The following IL1RAP variants were observed in gnomAD, a reference collection of about 807,000 sequenced individuals.
The protein encoded by IL1RAP is interleukin 1 receptor accessory protein.
IL1RAP carries 35 observed loss-of-function variants against 60.7 expected under a neutral mutation model. That is an observed-to-expected ratio of 0.58 (90% CI 0.44 to 0.76). The LOEUF (loss-of-function observed/expected upper bound fraction) is 0.76. IL1RAP is among the 30% of genes least tolerant of loss of function. The pLI is 0.00. For synonymous variants in IL1RAP, 268 were observed against 250.9 expected (o/e 1.07, Z -0.64); for missense variants, 572 against 693.9 (o/e 0.82, Z 1.97).
At chr3:190,549,983 C>T (rs1724721460) in intron 1 of IL1RAP, among the ~76,000 whole-genome samples, 2 of 152,130 alleles carry the variant, frequency 1.3e-5, no homozygotes, top group South Asian at 4.1e-4. Flanking sequence ...CTAGCAAATA[C>T]CTGGGGTGCG....
intron 1 of IL1RAP, among the ~76,000 whole-genome samples, chr3:190,545,451 A>G (rs1329482324): frequency 6.6e-6 from 1 of 152,222 alleles, no homozygotes; most frequent in African/African-American, 2.4e-5. Flanking sequence ...CCAGGGCCAC[A>G]GCAGGCATTC....
At chr3:190,538,312 C>T (rs1444766124) in intron 1 of IL1RAP, among the ~76,000 whole-genome samples, 1 of 152,146 alleles carries the variant, frequency 6.6e-6, no homozygotes, top group Non-Finnish European at 1.5e-5. Flanking sequence ...TGTGAATCTC[C>T]ATTTTACCCA....
downstream of IL1RAP, chr3:190,651,665 T>C (rs1734405220): frequency 6.5e-6 from 1 of 152,798 alleles, no homozygotes; most frequent in African/African-American, 2.4e-5. Context: ...CTGAGTAAAA[T>C]GGGAACTTCT....
At chr3:190,619,817 C>A (rs1162858263) in intron 5 of IL1RAP, among the ~76,000 whole-genome samples, 1 of 151,914 alleles carries the variant, frequency 6.6e-6, no homozygotes, top group Non-Finnish European at 1.5e-5. Flanking sequence ...AAATGCCAAT[C>A]AGACATCTAA....
intron 6 of IL1RAP, among the ~76,000 whole-genome samples, chr3:190,620,841 A>G (rs1283667239): frequency 6.6e-6 from 1 of 152,228 alleles, no homozygotes; most frequent in Non-Finnish European, 1.5e-5. Flanking sequence ...CAGGCAAGCA[A>G]TAGAGACTCA....
chr3:190,554,443 C>G (rs149640696), intron 1 of IL1RAP, among the ~76,000 whole-genome samples: 1 of 152,058 alleles, frequency 6.6e-6, no homozygotes, highest in Non-Finnish European at 1.5e-5. Context: ...GCAGACCAGC[C>G]GGAGGTTCTC....
At chr3:190,632,811 C>T (rs1732900601) in intron 9 of IL1RAP, among the ~76,000 whole-genome samples, 1 of 152,110 alleles carries the variant, frequency 6.6e-6, no homozygotes, top group Non-Finnish European at 1.5e-5. Context: ...TGTTTTTCCA[C>T]ATAGATAACC....
intron 1 of IL1RAP, among the ~76,000 whole-genome samples, chr3:190,529,234 C>A (rs1270723789): frequency 6.6e-6 from 1 of 152,106 alleles, no homozygotes. Context: ...GAAGATCTGG[C>A]AGGAATTGAA....
At chr3:190,599,307 A>G (rs1246568700) in intron 3 of IL1RAP, among the ~76,000 whole-genome samples, 1 of 152,120 alleles carries the variant, frequency 6.6e-6, no homozygotes, top group Non-Finnish European at 1.5e-5. Context: ...GGACATGGTA[A>G]ATAAATTGTG....
chr3:190,627,311 T>A lies in IL1RAP; in HGVS notation c.776-12T>A, dbSNP rs543942419. The A allele has an allele frequency of 3.1e-4, 432 of 1,406,012 alleles. 3 individuals are homozygous for A. In the East Asian group the frequency reaches 0.01, roughly 33 times the overall value. 87.1% of individuals were successfully genotyped at this position (1,406,012 alleles called of 1,614,324 possible). On this transcript the variant is annotated splice_polypyrimidine_tract_variant and intron_variant, in intron 7 of 11. Transcript: ENST00000447382. Reference sequence around the variant, plus strand: ...TTTTTGTTTTTTTTGTTTTTTTGGTTTTTTTTTTCAGGAGAGGAGCTACTC... The same window carrying A: ...TTTTTGTTTTTTTTGTTTTTTTGGTATTTTTTTTCAGGAGAGGAGCTACTC...
chr3:190,656,571 G>A (rs201373860), exon 12 of IL1RAP: 65 of 1,532,392 alleles, frequency 4.2e-5, no homozygotes, highest in African/African-American at 2.5e-4. Context: ...ATCATTTCAC[G>A]GACTTATCCA....
At chr3:190,533,677 TG>T (rs1723177145) in intron 1 of IL1RAP, among the ~76,000 whole-genome samples, 1 of 152,040 alleles carries the variant, frequency 6.6e-6, no homozygotes. Context: ...CCAGAGCACG[TG>T]GGAGGTGCAC....
chr3:190,546,139 T>C (rs1371897737), intron 1 of IL1RAP, among the ~76,000 whole-genome samples: 1 of 152,206 alleles, frequency 6.6e-6, no homozygotes, highest in African/African-American at 2.4e-5. Context: ...CTATTGCTGT[T>C]CTCAGCCCAG....
Position 190,604,203 on chromosome 3 carries a change from GC to G in IL1RAP, c.143del (p.Pro48HisfsTer7), listed in dbSNP as rs750027061. The G allele has an allele frequency of 1.2e-6, 2 of 1,613,910 alleles. No homozygotes were observed. The highest frequency in any genetic ancestry group is 2.7e-5 in the African/African-American group (2 of 74,886). On this transcript the variant is annotated frameshift_variant, in exon 4 of 12. Coordinates refer to ENST00000447382, the MANE Select transcript of IL1RAP (RefSeq NM_002182.4). LOFTEE classifies it high-confidence loss of function. Reference protein sequence around the residue: ...VFEDEPARIKCPLFEHFLKFN... With the variant: ...VFEDEPARIKXPLFEHFLKFN... ...GAAGATGAGCCAGCTCGCATCAAGT[GC>G]CCACTCTTTGAACACTTCTTGAAAT...
At chr3:190,514,858 TGTGGGGCACAGGGTGCCCCTCACTTGG>T (rs1721371052) in intron 1 of IL1RAP, among the ~76,000 whole-genome samples, 2 of 151,986 alleles carry the variant, frequency 1.3e-5, no homozygotes, top group Non-Finnish European at 2.9e-5. Context: ...CTAGTGGCCC[TGTGGGGCACAGGGTGCCCCTCACTTGG>T]GAAGAGCTGA....
At chr3:190,570,274 C>T (rs144197974) in intron 3 of IL1RAP, among the ~76,000 whole-genome samples, 1 of 152,118 alleles carries the variant, frequency 6.6e-6, no homozygotes, top group African/African-American at 2.4e-5. Flanking sequence ...TCTGGCTTTG[C>T]CTTTGCGTGT....
Position 190,651,491 on chromosome 3 carries a change from A to T in IL1RAP, c.*2786A>T. ...TTGTAAATTTACTTATGTTAAAAATAAACCATTTATTTTCAGCTTTGAATT... is the reference window on the plus strand; with the variant it reads ...TTGTAAATTTACTTATGTTAAAAATTAACCATTTATTTTCAGCTTTGAATT... On this transcript the variant is annotated 3_prime_UTR_variant, in exon 12 of 12. Coordinates refer to ENST00000447382, the MANE Select transcript of IL1RAP (RefSeq NM_002182.4). The T allele has an allele frequency of 2.2e-6, 1 of 461,144 alleles. No individual in the cohort carries two copies. Among genetic ancestry groups the T allele is most frequent in the Non-Finnish European group, 2.8e-6 (1 of 351,126 alleles). 28.6% of individuals were successfully genotyped at this position (461,144 alleles called of 1,614,324 possible). A position where few individuals can be genotyped will look rare whatever the true frequency, so the allele number is the denominator to read the frequency against.
At chr3:190,621,853 A>T (rs16865708) in intron 6 of IL1RAP, among the ~76,000 whole-genome samples, 9,429 of 151,860 alleles carry the variant, frequency 0.062, 441 homozygotes, top group East Asian at 0.14. Context: ...CCAAATCAGG[A>T]TTAGAACTTG....
intron 1 of IL1RAP, among the ~76,000 whole-genome samples, chr3:190,541,305 T>C (rs1427992885): frequency 1.3e-5 from 2 of 152,140 alleles, no homozygotes; most frequent in Non-Finnish European, 1.5e-5. Flanking sequence ...AGGATTTATA[T>C]ACATTTCAAA....
Sources: allele counts gnomAD v4.1 joint callset (sites outside exome capture counted in the v4.1 genomes callset), GRCh38; gene constraint gnomAD v4.1.1; transcripts MANE v1.5; gene names NCBI Gene and HGNC (gene_info 2026-07-23, HGNC 2026-07-21).